DNMT3B: variants seen among roughly 807,000 people sequenced by gnomAD.
DNMT3B encodes DNA methyltransferase 3 beta.
Under a neutral mutation model 120.2 loss-of-function variants are expected in DNMT3B, and 37 were observed. That is an observed-to-expected ratio of 0.31 (90% CI 0.24 to 0.40). The LOEUF (loss-of-function observed/expected upper bound fraction) is 0.40. DNMT3B is among the 10% of genes least tolerant of loss of function. The pLI is 1.00. For missense variants in DNMT3B, 878 were observed against 1,137.3 expected (o/e 0.77, Z 3.28); for synonymous variants, 412 against 442.8 (o/e 0.93, Z 0.87).
intron 17 of DNMT3B, 34 bp from the exon 18 acceptor site, chr20:32,800,801 A>G (rs971817272): frequency 6.2e-7 from 1 of 1,609,100 alleles, no homozygotes; most frequent in Non-Finnish European, 8.5e-7. Flanking sequence ...CCCTCTGTCC[A>G]CACCCTCATC....
At chr20:32,806,780 A>AGTTCT (rs915634004) in intron 22 of DNMT3B, among the ~76,000 whole-genome samples, 1 of 152,022 alleles carries the variant, frequency 6.6e-6, no homozygotes, top group Non-Finnish European at 1.5e-5. Context: ...CTTGGATTTC[A>AGTTCT]GTTCTGTTCT....
chr20:32,805,452 C>T (rs748119429), intron 21 of DNMT3B, 45 bp downstream of exon 21: 1 of 1,611,404 alleles, frequency 6.2e-7, no homozygotes. Context: ...TTGGTGACCT[C>T]CAAGTGGGGA....
intron 3 of DNMT3B, among the ~76,000 whole-genome samples, chr20:32,781,620 T>A (rs1978639638): frequency 6.6e-6 from 1 of 152,248 alleles, no homozygotes; most frequent in Admixed American, 6.5e-5. Context: ...AGTCCCCTCT[T>A]ATCTGTCATT....
chr20:32,796,740 T>C, intron 12 of DNMT3B, 50 bp from the exon 13 acceptor site: 1 of 1,602,772 alleles, frequency 6.2e-7, no homozygotes, highest in Non-Finnish European at 8.5e-7. Flanking sequence ...CTTTAGCAGC[T>C]GGTGTCAGGG....
At chr20:32,795,805 T>G in intron 12 of DNMT3B, 111 bp downstream of exon 12, 1 of 1,415,516 alleles carries the variant, frequency 7.1e-7, no homozygotes, top group Non-Finnish European at 9.9e-7. Context: ...CTCTGTTCCT[T>G]AACCTCAGGC....
chr20:32,791,506 G>A, intron 7 of DNMT3B, 95 bp from the exon 8 acceptor site: 1 of 1,197,964 alleles, frequency 8.3e-7, no homozygotes, highest in East Asian at 2.4e-5. Context: ...GTTAAAGTGT[G>A]TGAAAATCTT....
intron 1 of DNMT3B, among the ~76,000 whole-genome samples, chr20:32,764,426 T>C (rs546147063): frequency 1.8e-4 from 27 of 152,218 alleles, no homozygotes; most frequent in Non-Finnish European, 3.5e-4. Flanking sequence ...TAATAACGAA[T>C]AGCCCCTCAT....
At chr20:32,779,076 T>C (rs1319352932) in intron 1 of DNMT3B, among the ~76,000 whole-genome samples, 1 of 152,178 alleles carries the variant, frequency 6.6e-6, no homozygotes, top group East Asian at 1.9e-4. Flanking sequence ...CCGGTGCATA[T>C]GGCAGCAGCT....
chr20:32,791,820 C>A, intron 8 of DNMT3B, 112 bp downstream of exon 8: 1 of 1,156,922 alleles, frequency 8.6e-7, no homozygotes, highest in East Asian at 2.5e-5. Context: ...GACAGGGTGG[C>A]CAGGGAGGAG....
At chr20:32,780,260 C>T (rs1464188895) in intron 1 of DNMT3B, 58 bp from the exon 2 acceptor site, 2 of 1,613,330 alleles carry the variant, frequency 1.2e-6, no homozygotes, top group Non-Finnish European at 1.7e-6. Flanking sequence ...CGGGGGAACA[C>T]TGTCCCTCTC....
In DNMT3B at chr20:32,799,287, G is replaced by A. The variant is rs143300013; in HGVS notation, c.1718G>A (p.Arg573Gln). Reference sequence around the variant, plus strand: ...CCTGCCATTCCCGCAGCCCGAAGGCGGCCCATTCGAGTCCTGTCATTGTTT... The same window carrying A: ...CCTGCCATTCCCGCAGCCCGAAGGCAGCCCATTCGAGTCCTGTCATTGTTT... ...LYPAIPAARR[R>Q]PIRVLSLFDG... Residue 573 changes from arginine (R) to glutamine (Q), a missense_variant, in exon 16 of 23, where the codon CGG becomes CAG. Arg to Gln is a conservative substitution (Grantham distance 43). Around this residue, in one of 4 missense-constraint regions of DNMT3B, gnomAD observed 334 missense variants for 518.8 expected, o/e 0.64. Coordinates refer to ENST00000328111, the MANE Select transcript of DNMT3B (RefSeq NM_006892.4). 2.7e-5 allele frequency: 43 copies of A among 1,613,408 alleles called. No homozygotes were observed. The highest frequency in any genetic ancestry group is 1.6e-4 in the Middle Eastern group (1 of 6,082).
In DNMT3B at chr20:32,768,873, G is replaced by A. The variant is rs1987548424; in HGVS notation, c.-7+6174G>A. Reference sequence around the variant, plus strand: ...GGTAAGGAAGCCCTACCCCGACAATGGCACTGGAGGAAGAGCCTCAAGCTT... The same window carrying A: ...GGTAAGGAAGCCCTACCCCGACAATAGCACTGGAGGAAGAGCCTCAAGCTT... On this transcript the variant is annotated intron_variant, in intron 1 of 22. Transcript: ENST00000328111. Among the ~76,000 whole-genome samples, 11 of 152,170 alleles carry A rather than the reference G, an allele frequency of 7.2e-5. No individual in the cohort carries two copies. In the South Asian group the frequency reaches 2.3e-3, roughly 32 times the overall value.
At chr20:32,787,906 A>C (rs1408699636) in intron 6 of DNMT3B, among the ~76,000 whole-genome samples, 5 of 150,356 alleles carry the variant, frequency 3.3e-5, no homozygotes, top group Non-Finnish European at 7.4e-5. Context: ...TTACAGTCAA[A>C]GGGGGTTTGT....
In DNMT3B at chr20:32,800,247, C is replaced by T. The variant is rs759732480; in HGVS notation, c.1854C>T (p.His618=). 57 of 1,613,984 alleles carry T rather than the reference C, an allele frequency of 3.5e-5. No individual in the cohort carries two copies. Among genetic ancestry groups the T allele is most frequent in the Non-Finnish European group, 4.4e-5 (52 of 1,180,044 alleles). Residue 618 remains histidine, a synonymous_variant, in exon 17 of 23, where the codon CAC becomes CAT. Coordinates refer to ENST00000328111, the MANE Select transcript of DNMT3B (RefSeq NM_006892.4). ...CCATTGCTGTTGGAACCGTGAAGCACGAGGGGAATATCAAATACGTGAACG... is the reference window on the plus strand; with the variant it reads ...CCATTGCTGTTGGAACCGTGAAGCATGAGGGGAATATCAAATACGTGAACG... ...EESIAVGTVK[H]EGNIKYVNDV... is the part of the protein sequence containing the mutation.
At chr20:32,784,140 C>A (rs1388812429) in intron 3 of DNMT3B, among the ~76,000 whole-genome samples, 2 of 152,144 alleles carry the variant, frequency 1.3e-5, no homozygotes, top group African/African-American at 4.8e-5. Flanking sequence ...TGGTCTTGAA[C>A]TCCTGACCTC....
intron 1 of DNMT3B, among the ~76,000 whole-genome samples, chr20:32,768,438 C>T (rs535208358): frequency 1.3e-5 from 2 of 152,136 alleles, no homozygotes; most frequent in African/African-American, 4.8e-5. Context: ...GTGATCCACC[C>T]GCCTCGGCCT....
chr20:32,762,649 C>T lies in DNMT3B; in HGVS notation c.-57C>T, dbSNP rs1242548058. ...GCCAGCCGGCCTCCCGCCAGCCAGC[C>T]CCGACCCGCGGCTCCGCCGCCCAGC... On this transcript the variant is annotated 5_prime_UTR_variant, in exon 1 of 23. Coordinates refer to ENST00000328111, the MANE Select transcript of DNMT3B (RefSeq NM_006892.4). The T allele has an allele frequency of 1.3e-5, 3 of 238,414 alleles. No individual in the cohort carries two copies. The highest frequency in any genetic ancestry group is 2.5e-5 in the Non-Finnish European group (3 of 118,496). 14.8% of individuals were successfully genotyped at this position (238,414 alleles called of 1,614,324 possible).
intron 1 of DNMT3B, among the ~76,000 whole-genome samples, chr20:32,763,007 TC>T (rs1210786343): frequency 6.6e-6 from 1 of 151,916 alleles, no homozygotes; most frequent in Non-Finnish European, 1.5e-5. Context: ...AGAAGCTTGC[TC>T]GCAGGGAGGG....
chr20:32,801,281 G>A lies in DNMT3B; in HGVS notation c.2000G>A (p.Gly667Asp). The part of the protein sequence containing the change: ...VNPARKGLYE[G>D]TGRLFFEFYH... ...CTGTCATCTTTTCTGAGCACAGAGG[G>A]TACAGGCCGGCTCTTCTTCGAATTT... The change falls in exon 19 of 23, where the codon GGT becomes GAT. Residue 667 changes from glycine (G) to aspartate (D), a missense_variant. Coordinates refer to ENST00000328111, the MANE Select transcript of DNMT3B (RefSeq NM_006892.4). 6.2e-7 allele frequency: 1 copy of A among 1,614,160 alleles called. No homozygotes were observed. The highest frequency in any genetic ancestry group is 8.5e-7 in the Non-Finnish European group (1 of 1,180,038).
Sources: allele counts gnomAD v4.1 joint callset (sites outside exome capture counted in the v4.1 genomes callset), GRCh38; gene constraint gnomAD v4.1.1; regional missense constraint gnomAD v4.1.1; transcripts MANE v1.5; gene names NCBI Gene and HGNC (gene_info 2026-07-23, HGNC 2026-07-21).